GPC6: variants seen among roughly 807,000 people sequenced by gnomAD.
The protein encoded by GPC6 is glypican 6, also known as glypican-6.
A neutral mutation model predicts 55.2 loss-of-function variants in GPC6; 14 were observed. That is an observed-to-expected ratio of 0.25 (90% confidence interval 0.17 to 0.40). The LOEUF (loss-of-function observed/expected upper bound fraction) is 0.40, where lower values mean the gene tolerates loss of function less well. Among genes scored for constraint, GPC6 ranks in the 10% least tolerant of loss-of-function variants. GPC6 has a pLI of 1.00. For missense variants in GPC6, 641 were observed against 708.5 expected (o/e 0.90, Z 1.08); for synonymous variants, 278 against 259.6 (o/e 1.07, Z -0.68).
chr13:93,379,807 A>G (rs1043519163), intron 1 of GPC6, among the ~76,000 whole-genome samples: 1 of 152,134 alleles, frequency 6.6e-6, no homozygotes, highest in Non-Finnish European at 1.5e-5. Context: ...AATCCCACGT[A>G]TTTCTCATAA....
intron 5 of GPC6, among the ~76,000 whole-genome samples, chr13:94,286,883 A>G (rs1441201785): frequency 1.3e-5 from 2 of 152,188 alleles, no homozygotes; most frequent in Admixed American, 6.5e-5. Flanking sequence ...CACATGTTCT[A>G]TATTTTCCAT....
At chr13:94,096,886 A>G (rs1434489909) in intron 4 of GPC6, among the ~76,000 whole-genome samples, 2 of 152,214 alleles carry the variant, frequency 1.3e-5, no homozygotes, top group East Asian at 3.9e-4. Context: ...CTAACATTTA[A>G]GAATTCATCT....
At chr13:94,069,567 A>G (rs1884654740) in intron 4 of GPC6, among the ~76,000 whole-genome samples, 1 of 152,074 alleles carries the variant, frequency 6.6e-6, no homozygotes, top group African/African-American at 2.4e-5. Context: ...GAACTTTTGT[A>G]CTGTTTCCCT....
At chr13:94,286,251 C>A in intron 4 of GPC6, 98 bp from the exon 5 acceptor site, 1 of 1,244,620 alleles carries the variant, frequency 8.0e-7, no homozygotes, top group Non-Finnish European at 1.2e-6. Flanking sequence ...GTGAATGCAC[C>A]ATTATTTTTC....
chr13:93,225,034 T>C (rs1333615667), upstream of GPC6, among the ~76,000 whole-genome samples: 1 of 152,234 alleles, frequency 6.6e-6, no homozygotes, highest in Non-Finnish European at 1.5e-5. Context: ...AATTAGCTGA[T>C]CTTCAAATAA....
At chr13:94,211,980 T>G (rs574485658) in intron 4 of GPC6, among the ~76,000 whole-genome samples, 2 of 152,204 alleles carry the variant, frequency 1.3e-5, no homozygotes, top group South Asian at 4.1e-4. Context: ...TGTCTTGAAG[T>G]GAACATTAAA....
intron 1 of GPC6, among the ~76,000 whole-genome samples, chr13:93,383,506 T>C (rs942975465): frequency 1.3e-5 from 2 of 152,206 alleles, no homozygotes; most frequent in Non-Finnish European, 2.9e-5. Flanking sequence ...CGTGACCCAT[T>C]GTGCCCAGCT....
chr13:93,881,203 T>C (rs979958447), intron 3 of GPC6, among the ~76,000 whole-genome samples: 8 of 152,082 alleles, frequency 5.3e-5, no homozygotes, highest in Non-Finnish European at 1.0e-4. Context: ...TCCTGTCTCT[T>C]TTTCCCTTTG....
In GPC6 at chr13:93,699,699, A is replaced by C. The variant is rs183596189; in HGVS notation, c.320-130455A>C. On this transcript the variant is annotated intron_variant, in intron 2 of 8. Coordinates refer to ENST00000377047, the MANE Select transcript of GPC6 (RefSeq NM_005708.5). ...TATGCTTTCTATAGGAATTGTGGTA[A>C]ATAAAATTATTTAAGCAACTATGGA... is the stretch of plus-strand genomic sequence containing the variant. Among the ~76,000 whole-genome samples, 34 of 152,262 alleles carry C rather than the reference A, an allele frequency of 2.2e-4. No homozygotes were observed. In the East Asian group the frequency reaches 6.6e-3, roughly 29 times the overall value.
chr13:94,337,740 A>T (rs1241783530), intron 6 of GPC6, among the ~76,000 whole-genome samples: 7 of 152,190 alleles, frequency 4.6e-5, no homozygotes, highest in Non-Finnish European at 1.0e-4. Flanking sequence ...AATTCATGAT[A>T]TACTTAAAAA....
intron 5 of GPC6, among the ~76,000 whole-genome samples, chr13:94,302,578 TC>T (rs1875711820): frequency 6.6e-6 from 1 of 152,232 alleles, no homozygotes; most frequent in South Asian, 2.1e-4. Context: ...AGGTATATTC[TC>T]AGTATAAGAC....
intron 4 of GPC6, among the ~76,000 whole-genome samples, chr13:94,227,701 G>C (rs1034614734): frequency 6.6e-6 from 1 of 152,094 alleles, no homozygotes; most frequent in Non-Finnish European, 1.5e-5. Flanking sequence ...CCGAGATCTT[G>C]GTGGCATATC....
intron 1 of GPC6, among the ~76,000 whole-genome samples, chr13:93,396,467 G>A (rs1875861940): frequency 6.6e-6 from 1 of 152,040 alleles, no homozygotes; most frequent in African/African-American, 2.4e-5. Context: ...GGAGGCTGAG[G>A]CAGGAGAATC....
intron 3 of GPC6, among the ~76,000 whole-genome samples, chr13:93,837,434 T>C (rs1289812913): frequency 6.6e-6 from 1 of 152,178 alleles, no homozygotes; most frequent in East Asian, 1.9e-4. Context: ...CTGAGATAGG[T>C]GGTTATGATA....
At chr13:94,281,774 A>G (rs1892390162) in intron 4 of GPC6, among the ~76,000 whole-genome samples, 1 of 152,192 alleles carries the variant, frequency 6.6e-6, no homozygotes, top group South Asian at 2.1e-4. Flanking sequence ...CCTTCTTCCA[A>G]ACCTACTCTG....
intron 1 of GPC6, among the ~76,000 whole-genome samples, chr13:93,470,675 C>T (rs972167622): frequency 3.3e-5 from 5 of 151,814 alleles, no homozygotes; most frequent in African/African-American, 1.2e-4. Context: ...GAGAAGTATT[C>T]CCTTCTCTTT....
At chr13:93,312,730 C>A (rs1452036456) in intron 1 of GPC6, among the ~76,000 whole-genome samples, 2 of 152,136 alleles carry the variant, frequency 1.3e-5, no homozygotes, top group African/African-American at 4.8e-5. Flanking sequence ...TTTAGTTGAG[C>A]ACCTTGCAAT....
chr13:93,274,569 G>C (rs1020381579), intron 1 of GPC6, among the ~76,000 whole-genome samples: 37 of 152,092 alleles, frequency 2.4e-4, no homozygotes, highest in Admixed American at 6.6e-5. Context: ...TAGGCATTTT[G>C]TCAGGTATCT....
chr13:93,583,650 C>G (rs1272796617), intron 2 of GPC6, among the ~76,000 whole-genome samples: 1 of 152,208 alleles, frequency 6.6e-6, no homozygotes, highest in Non-Finnish European at 1.5e-5. Context: ...CTCCTGACCT[C>G]AGGTGATCCA....
Sources: gnomAD v4.1 joint callset for allele counts (sites outside exome capture counted in the v4.1 genomes callset) on GRCh38, gnomAD v4.1.1 for gene constraint, MANE v1.5 for transcripts, NCBI Gene and HGNC (gene_info 2026-07-23, HGNC 2026-07-21) for gene names.